Variants in PCDHGA1 observed in about 807,000 individuals in gnomAD.
PCDHGA1 encodes protocadherin gamma-A1.
In PCDHGA1, 32 loss-of-function variants were observed where a neutral mutation model predicts 58.0. The observed-to-expected ratio is 0.55, with a 90% CI of 0.42 to 0.74. PCDHGA1 has a LOEUF of 0.74. Among genes scored for constraint, PCDHGA1 ranks in the 30% least tolerant of loss-of-function variants. The pLI is 0.00. For missense variants in PCDHGA1, 1,205 were observed against 1,182.3 expected, an observed-to-expected ratio of 1.02 and a Z score of -0.28; for synonymous variants, 498 against 501.1, an observed-to-expected ratio of 0.99 and a Z score of 0.08.
chr5:141,408,133 T>A, intron 1 of PCDHGA1: 5 of 1,483,848 alleles, frequency 3.4e-6, no homozygotes, highest in Non-Finnish European at 4.5e-6. Context: ...GGCCGAATGC[T>A]CTTTTAGCGC....
At chr5:141,377,473 G>A (rs1467921393) in intron 1 of PCDHGA1, 2 of 152,044 alleles carry the variant, frequency 1.3e-5, no homozygotes, top group Admixed American at 1.3e-4. Flanking sequence ...GCGTACACCT[G>A]TAGTCCCAGC....
chr5:141,352,565 G>T (rs1190505525), intron 1 of PCDHGA1: 2 of 1,613,802 alleles, frequency 1.2e-6, no homozygotes, highest in African/African-American at 1.3e-5. Flanking sequence ...CCTGACACCG[G>T]AAATGGCTCC....
intron 1 of PCDHGA1, chr5:141,409,446 C>A: frequency 6.2e-7 from 1 of 1,613,984 alleles, no homozygotes; most frequent in Middle Eastern, 1.6e-4. Flanking sequence ...CGAGAGCAGA[C>A]ACCAGAATAC....
At chr5:141,388,652 C>T in intron 1 of PCDHGA1, 1 of 1,613,844 alleles carries the variant, frequency 6.2e-7, no homozygotes, top group African/African-American at 1.3e-5. Context: ...AAAACGTGTA[C>T]CCGGGGACCA....
chr5:141,465,210 AT>A (rs1374516492), intron 1 of PCDHGA1, among the ~76,000 whole-genome samples: 4 of 152,032 alleles, frequency 2.6e-5, no homozygotes, highest in African/African-American at 9.7e-5. Flanking sequence ...TATAAGCTTT[AT>A]TTTTCAACAT....
Position 141,432,683 on chromosome 5 carries a change from C to T in PCDHGA1, c.2422-62124C>T, listed in dbSNP as rs138402830. The T allele has an allele frequency of 4.8e-5, 78 of 1,613,968 alleles. No individual in the cohort carries two copies. In the African/African-American group the frequency reaches 9.5e-4, roughly 20 times the overall value. On this transcript the variant is annotated intron_variant, in intron 1 of 3. Transcript: ENST00000517417. The surrounding 1 kb of genome is among the most constrained non-coding windows in gnomAD (Gnocchi z 6.0). ...GGACAGAGACGCGCTCAAGCAGAGC[C>T]TCGTAGTGGCCGTCCAGGACCACGG...
At chr5:141,345,884 C>G (rs1386374521) in intron 1 of PCDHGA1, 4 of 1,613,328 alleles carry the variant, frequency 2.5e-6, no homozygotes, top group Non-Finnish European at 3.4e-6. Flanking sequence ...CGGGACTCTT[C>G]TCGGTGGGTC....
intron 1 of PCDHGA1, among the ~76,000 whole-genome samples, chr5:141,359,492 G>A (rs1040893615): frequency 4.0e-5 from 6 of 149,576 alleles, no homozygotes; most frequent in East Asian, 1.9e-4. Context: ...TTCATATTAC[G>A]GACTACTAGA....
intron 1 of PCDHGA1, chr5:141,441,986 C>G (rs2098288559): frequency 7.4e-6 from 2 of 269,216 alleles, no homozygotes; most frequent in Non-Finnish European, 1.5e-5. Flanking sequence ...GAATGCGCAC[C>G]GACGAGGTGC....
intron 1 of PCDHGA1, chr5:141,371,512 A>ATCTCTAGATC: frequency 6.2e-7 from 1 of 1,613,868 alleles, no homozygotes; most frequent in Non-Finnish European, 8.5e-7. Flanking sequence ...AAAACACATG[A>ATCTCTAGATC]TCTAGATTCT....
At chr5:141,350,679 G>A (rs1758533866) in intron 1 of PCDHGA1, 1 of 1,613,878 alleles carries the variant, frequency 6.2e-7, no homozygotes, top group African/African-American at 1.3e-5. Flanking sequence ...TTAGAAATTT[G>A]TGAGTCAGCC....
At chr5:141,403,414 T>C (rs373392812) in intron 1 of PCDHGA1, 142 of 1,613,926 alleles carry the variant, frequency 8.8e-5, no homozygotes, top group Middle Eastern at 1.6e-4. Context: ...GTTATCCACT[T>C]CCAGAAGCTA....
At chr5:141,434,658 T>C (rs1243599957) in intron 1 of PCDHGA1, among the ~76,000 whole-genome samples, 2 of 152,198 alleles carry the variant, frequency 1.3e-5, no homozygotes, top group African/African-American at 2.4e-5. Flanking sequence ...ATCTAATATC[T>C]ATAGAAATGA....
intron 1 of PCDHGA1, chr5:141,384,316 T>C (rs1779949710): frequency 6.2e-7 from 1 of 1,613,858 alleles, no homozygotes; most frequent in Non-Finnish European, 8.5e-7. Context: ...CTCCATTTTC[T>C]TAGTGACTGC....
chr5:141,490,103 C>T lies in PCDHGA1; in HGVS notation c.2422-4704C>T, dbSNP rs1012215533. ...TCTTTTGGAGACCACACATCTGAGG[C>T]AGTGCGGAACCTCTTTGGCCTAGAC... On this transcript the variant is annotated intron_variant, in intron 1 of 3. Coordinates refer to ENST00000517417, the MANE Select transcript of PCDHGA1 (RefSeq NM_018912.3). The surrounding 1 kb of genome is among the most constrained non-coding windows in gnomAD (Gnocchi z 5.4). The T allele has an allele frequency of 6.2e-7, 1 of 1,614,122 alleles. No homozygotes were observed. The highest frequency in any genetic ancestry group is 1.3e-5 in the African/African-American group (1 of 74,954).
intron 1 of PCDHGA1, chr5:141,423,674 C>A (rs57195665): frequency 0.087 from 131,432 of 1,514,090 alleles, 6,254 homozygotes; most frequent in East Asian, 0.14. Flanking sequence ...AGATTTATTT[C>A]TCTGCCTCCT....
chr5:141,362,291 C>A, intron 1 of PCDHGA1: 1 of 1,614,076 alleles, frequency 6.2e-7, no homozygotes, highest in Non-Finnish European at 8.5e-7. Flanking sequence ...CGACTCTCTT[C>A]CAGGTCAGAT....
chr5:141,448,948 AAAAC>A (rs1237948751), intron 1 of PCDHGA1, among the ~76,000 whole-genome samples: 14 of 152,170 alleles, frequency 9.2e-5, no homozygotes, highest in African/African-American at 9.7e-5. Flanking sequence ...GCAACTCAAA[AAAAC>A]AAACAAACAA....
Position 141,490,924 on chromosome 5 carries a change from C to A in PCDHGA1, c.2422-3883C>A. 1 of 1,613,680 alleles carries A rather than the reference C, an allele frequency of 6.2e-7. No individual in the cohort carries two copies. Among genetic ancestry groups the A allele is most frequent in the Non-Finnish European group, 8.5e-7 (1 of 1,179,694 alleles). On this transcript the variant is annotated intron_variant, in intron 1 of 3. Coordinates refer to ENST00000517417, the MANE Select transcript of PCDHGA1 (RefSeq NM_018912.3). The surrounding 1 kb of genome is among the most constrained non-coding windows in gnomAD (Gnocchi z 5.4). ...TGTCCTAGACGAGAATGATAATGCC[C>A]CAGCTGTGCTGCACCCACGGCCAGA...
Sources: gnomAD v4.1 joint callset for allele counts (sites outside exome capture counted in the v4.1 genomes callset) on GRCh38, gnomAD v4.1.1 for gene constraint, Gnocchi (gnomAD v3.1) non-coding constraint, MANE v1.5 for transcripts, NCBI Gene and HGNC (gene_info 2026-07-23, HGNC 2026-07-21) for gene names.